The following JMY variants were observed in gnomAD, a reference collection of about 807,000 sequenced individuals.
JMY encodes junction mediating and regulatory protein, p53 cofactor, also known as junction-mediating and -regulatory protein.
JMY carries 46 observed loss-of-function variants against 103.3 expected under a neutral mutation model. The ratio of observed to expected loss-of-function variants is 0.45; its 90% confidence interval spans 0.35 to 0.57. The LOEUF (loss-of-function observed/expected upper bound fraction) is 0.57. JMY is among the 20% of genes least tolerant of loss of function. The pLI is 0.00. For synonymous variants in JMY, 526 were observed against 489.3 expected, an observed-to-expected ratio of 1.07 and a Z score of -0.99; for missense variants, 1,238 against 1,255.2, an observed-to-expected ratio of 0.99 and a Z score of 0.21.
intron 1 of JMY, among the ~76,000 whole-genome samples, chr5:79,264,636 A>G (rs1477331035): frequency 1.3e-5 from 2 of 152,176 alleles, no homozygotes; most frequent in Non-Finnish European, 2.9e-5. Flanking sequence ...AACTTTGTTG[A>G]ATGACCCATG....
intron 1 of JMY, among the ~76,000 whole-genome samples, chr5:79,275,171 T>C (rs1045446733): frequency 6.6e-6 from 1 of 151,028 alleles, no homozygotes; most frequent in Admixed American, 6.6e-5. Flanking sequence ...TTTTTTTTTT[T>C]TTTGGAGATG....
At chr5:79,254,935 A>G (rs1462612460) in intron 1 of JMY, among the ~76,000 whole-genome samples, 1 of 151,276 alleles carries the variant, frequency 6.6e-6, no homozygotes, top group East Asian at 1.9e-4. Flanking sequence ...CCTCTGATGC[A>G]TTCATTCTTC....
chr5:79,284,155 G>T, intron 2 of JMY: 1 of 1,565,704 alleles, frequency 6.4e-7, no homozygotes, highest in Admixed American at 1.7e-5. Flanking sequence ...TGGACTGGTG[G>T]TTCAAAACCA....
intron 10 of JMY, among the ~76,000 whole-genome samples, chr5:79,318,688 A>C (rs1293569363): frequency 6.6e-6 from 1 of 151,772 alleles, no homozygotes; most frequent in Non-Finnish European, 1.5e-5. Flanking sequence ...TGGATCCCAA[A>C]GTAACTTCGA....
At chr5:79,312,572 G>A in intron 8 of JMY, 74 bp downstream of exon 8, 1 of 703,916 alleles carries the variant, frequency 1.4e-6, no homozygotes, top group Non-Finnish European at 2.2e-6. Context: ...TACACCTGTA[G>A]GATTTCTTTG....
intron 2 of JMY, among the ~76,000 whole-genome samples, chr5:79,288,576 C>T (rs530539325): frequency 1.3e-5 from 2 of 152,194 alleles, no homozygotes; most frequent in African/African-American, 4.8e-5. Context: ...CCAGATATTA[C>T]TCATTATTCC....
intron 2 of JMY, among the ~76,000 whole-genome samples, chr5:79,285,123 G>A (rs2112092761): frequency 6.6e-6 from 1 of 152,224 alleles, no homozygotes; most frequent in South Asian, 2.1e-4. Context: ...AAATAAGCTA[G>A]AAACTGGAAG....
Position 79,287,181 on chromosome 5 carries a change from G to A in JMY, c.1207-2940G>A, listed in dbSNP as rs532334604. 9.2e-5 allele frequency among the ~76,000 whole-genome samples: 14 copies of A among 152,290 alleles called. No individual in the cohort carries two copies. In the South Asian group the frequency reaches 2.7e-3, roughly 29 times the overall value. ...GTTACTGCTTCAGAAAGGAACTGCC[G>A]ATGCTGGGGTGAAATAAGGCTTGGG... On this transcript the variant is annotated intron_variant, in intron 2 of 10. Coordinates refer to ENST00000396137, the MANE Select transcript of JMY (RefSeq NM_152405.5).
chr5:79,264,720 C>T (rs558042283), intron 1 of JMY, among the ~76,000 whole-genome samples: 49 of 152,186 alleles, frequency 3.2e-4, no homozygotes, highest in Middle Eastern at 3.4e-3. Flanking sequence ...TGCCTTCTAA[C>T]GCTGAAGATC....
At chr5:79,244,110 C>G (rs764655199) in intron 1 of JMY, among the ~76,000 whole-genome samples, 2 of 151,732 alleles carry the variant, frequency 1.3e-5, no homozygotes, top group Non-Finnish European at 2.9e-5. Flanking sequence ...TAGCGATTCT[C>G]CTGCCTCAGC....
chr5:79,278,153 A>T, intron 2 of JMY, 70 bp downstream of exon 2: 1 of 1,075,514 alleles, frequency 9.3e-7, no homozygotes, highest in Non-Finnish European at 1.3e-6. Flanking sequence ...GCCATGCGTT[A>T]TCCACAAGAG....
At chr5:79,255,933 G>C (rs1176370206) in intron 1 of JMY, among the ~76,000 whole-genome samples, 1 of 152,216 alleles carries the variant, frequency 6.6e-6, no homozygotes. Flanking sequence ...ACCACTCCCT[G>C]GCTACCGCCT....
chr5:79,285,443 A>G (rs575696444), intron 2 of JMY, among the ~76,000 whole-genome samples: 95 of 152,132 alleles, frequency 6.2e-4, no homozygotes, highest in Non-Finnish European at 6.9e-4. Context: ...TGCAGTTTTT[A>G]CCACTGTATG....
chr5:79,315,469 G>A (rs1176533158), intron 9 of JMY, among the ~76,000 whole-genome samples: 3 of 151,932 alleles, frequency 2.0e-5, no homozygotes, highest in Non-Finnish European at 4.4e-5. Context: ...TTTTGCATGG[G>A]GAGAACATTA....
chr5:79,244,015 T>G (rs1744818396), intron 1 of JMY, among the ~76,000 whole-genome samples: 1 of 151,748 alleles, frequency 6.6e-6, no homozygotes, highest in South Asian at 2.1e-4. Flanking sequence ...CCTTTTTTTT[T>G]TTTTTGAGAC....
intron 1 of JMY, among the ~76,000 whole-genome samples, chr5:79,271,279 C>T (rs973543650): frequency 2.6e-5 from 4 of 151,886 alleles, no homozygotes; most frequent in Non-Finnish European, 4.4e-5. Flanking sequence ...TGATTCTCCT[C>T]CCTAGGCTTT....
chr5:79,249,040 G>C (rs1744997322), intron 1 of JMY, among the ~76,000 whole-genome samples: 1 of 152,200 alleles, frequency 6.6e-6, no homozygotes, highest in Non-Finnish European at 1.5e-5. Context: ...TGAGACTGCA[G>C]ACATGAGCCA....
intron 2 of JMY, among the ~76,000 whole-genome samples, chr5:79,281,352 AAT>A (rs1746105289): frequency 2.1e-5 from 2 of 96,308 alleles, no homozygotes; most frequent in Admixed American, 1.2e-4. Flanking sequence ...CCAAGAAATT[AAT>A]TTTTTTTTTT....
At position 79,240,014 on chromosome 5, in the gene JMY, TTTTC is replaced by T. The variant is rs1179127198; in HGVS notation, c.1032+2340_1032+2343del. Among the ~76,000 whole-genome samples, 4 of 151,682 alleles carry T rather than the reference TTTTC, an allele frequency of 2.6e-5. No homozygotes were observed. In the East Asian group the frequency reaches 5.8e-4, roughly 22 times the overall value. On this transcript the variant is annotated intron_variant, in intron 1 of 10. Coordinates refer to ENST00000396137, the MANE Select transcript of JMY (RefSeq NM_152405.5). ...TTTCTTTAACAGAAAATTATACTTT[TTTTC>T]TTTCTTTTTTTTTTTGAGATGGAGT...
Sources: gnomAD v4.1 joint callset for allele counts (sites outside exome capture counted in the v4.1 genomes callset) on GRCh38, gnomAD v4.1.1 for gene constraint, MANE v1.5 for transcripts, NCBI Gene and HGNC (gene_info 2026-07-23, HGNC 2026-07-21) for gene names.